The following SEC63 variants were observed in gnomAD, a reference collection of about 807,000 sequenced individuals.
SEC63 encodes the protein SEC63 protein translocation regulator.
In SEC63, 56 loss-of-function variants were observed where a neutral mutation model predicts 116.2. The ratio of observed to expected loss-of-function variants is 0.48; its 90% CI spans 0.39 to 0.60. The LOEUF (loss-of-function observed/expected upper bound fraction) is 0.60. Ranked by LOEUF, SEC63 falls within the 20% of genes least tolerant of loss-of-function variation. The pLI, the probability that SEC63 is intolerant of heterozygous loss-of-function variation, is 0.00. For missense variants in SEC63, 668 were observed against 900.0 expected (o/e 0.74, Z 3.30); for synonymous variants, 273 against 294.6 (o/e 0.93, Z 0.75).
At position 107,935,118 on chromosome 6, in the gene SEC63, T is replaced by TG. The variant is rs1185552958; in HGVS notation, c.125-5605dup. 4.1e-3 allele frequency among the ~76,000 whole-genome samples: 391 copies of TG among 94,484 alleles called. 2 individuals carry two copies. Among genetic ancestry groups the TG allele is most frequent in the African/African-American group, 0.015 (348 of 23,926 alleles). 62.0% of individuals were successfully genotyped at this position (94,484 alleles called of 152,430 possible). ...CCAGCTGCCCCGTCCGGGAGGGAGG[T>TG]GGGGGGGTCAGCCCCCCGCCCAGCC... On this transcript the variant is annotated intron_variant, in intron 1 of 20. Transcript: ENST00000369002.
intron 11 of SEC63, 120 bp downstream of exon 11, chr6:107,904,509 A>C: frequency 1.3e-6 from 1 of 752,076 alleles, no homozygotes. Flanking sequence ...AGTAAAATTG[A>C]AGAAGCTCAC....
intron 16 of SEC63, among the ~76,000 whole-genome samples, chr6:107,884,041 G>C (rs897617358): frequency 6.6e-6 from 1 of 152,010 alleles, no homozygotes; most frequent in Non-Finnish European, 1.5e-5. Flanking sequence ...TTTAAGGTCA[G>C]GAGTTTGAGA....
At chr6:107,907,489 G>A (rs1407257481) in intron 8 of SEC63, among the ~76,000 whole-genome samples, 1 of 152,194 alleles carries the variant, frequency 6.6e-6, no homozygotes, top group Non-Finnish European at 1.5e-5. Context: ...GGCTGAGGCA[G>A]GAGAATTGCT....
intron 4 of SEC63, among the ~76,000 whole-genome samples, chr6:107,918,297 C>A (rs550894860): frequency 1.3e-5 from 2 of 152,088 alleles, no homozygotes; most frequent in Admixed American, 6.5e-5. Context: ...TGACAACGCA[C>A]GTGGTCACTC....
At chr6:107,948,674 C>A (rs1479619692) in intron 1 of SEC63, among the ~76,000 whole-genome samples, 1 of 152,130 alleles carries the variant, frequency 6.6e-6, no homozygotes, top group Non-Finnish European at 1.5e-5. Flanking sequence ...GCCTCAAGGT[C>A]TCTCTGACTT....
intron 10 of SEC63, 132 bp from the exon 11 acceptor site, chr6:107,904,853 G>T: frequency 1.3e-6 from 1 of 748,452 alleles, no homozygotes; most frequent in Non-Finnish European, 2.3e-6. Context: ...TTTACAGATT[G>T]AATGGAAGAG....
At chr6:107,882,492 C>T (rs1247968354) in intron 17 of SEC63, among the ~76,000 whole-genome samples, 2 of 152,104 alleles carry the variant, frequency 1.3e-5, no homozygotes, top group Admixed American at 1.3e-4. Context: ...CTTAATATAT[C>T]TTATATACAC....
In SEC63 at chr6:107,893,906, C is replaced by T. The variant is rs767036637; in HGVS notation, c.1441-9G>A. The T allele has an allele frequency of 5.0e-6, 8 of 1,613,538 alleles. No homozygotes were observed. Among genetic ancestry groups the T allele is most frequent in the East Asian group, 4.5e-5 (2 of 44,856 alleles). On this transcript the variant is annotated splice_polypyrimidine_tract_variant and intron_variant, in intron 14 of 20. Coordinates refer to ENST00000369002, the MANE Select transcript of SEC63 (RefSeq NM_007214.5). ...TCCTTTTCAAATACTTCCTGGGGGG[C>T]GGCAAGAAGAGAAATACAAAATCTG...
At chr6:107,956,544 T>C (rs976425407) in intron 1 of SEC63, among the ~76,000 whole-genome samples, 1 of 152,206 alleles carries the variant, frequency 6.6e-6, no homozygotes, top group African/African-American at 2.4e-5. Flanking sequence ...GATCCAAATT[T>C]CATAAACTAC....
At chr6:107,946,165 G>A (rs1174396450) in intron 1 of SEC63, among the ~76,000 whole-genome samples, 3 of 145,218 alleles carry the variant, frequency 2.1e-5, no homozygotes, top group East Asian at 2.1e-4. Flanking sequence ...TCGAACTCCC[G>A]ACCTCATGAT....
rs749125299 is a variant in SEC63 at position 107,876,670 on chromosome 6, C to CA, written c.1936-9dup. ...CCACCATTCTTGTTTTTCCTGGAAACAAAAAAAAAAAAAAAAAAAGAAGAG... is the reference window on the plus strand; with the variant it reads ...CCACCATTCTTGTTTTTCCTGGAAACAAAAAAAAAAAAAAAAAAAAGAAGAG... On this transcript the variant is annotated splice_polypyrimidine_tract_variant and intron_variant, in intron 18 of 20. Transcript: ENST00000369002. The CA allele has an allele frequency of 0.065, 47,019 of 726,044 alleles. 144 individuals carry two copies. The highest frequency in any genetic ancestry group is 0.084 in the Middle Eastern group (189 of 2,254). 45.0% of individuals were successfully genotyped at this position (726,044 alleles called of 1,614,324 possible). A position where few individuals can be genotyped will look rare whatever the true frequency, so the allele number is the denominator to read the frequency against.
At chr6:107,930,606 T>TCAAA (rs1166961428) in intron 1 of SEC63, among the ~76,000 whole-genome samples, 2 of 151,028 alleles carry the variant, frequency 1.3e-5, no homozygotes, top group Non-Finnish European at 1.5e-5. Context: ...AAACTCTGTC[T>TCAAA]CAAACAAACA....
chr6:107,876,721 G>C lies in SEC63; in HGVS notation c.1936-59C>G, dbSNP rs1237515577. 9.5e-6 allele frequency: 11 copies of C among 1,163,134 alleles called. No homozygotes were observed. In the East Asian group the frequency reaches 1.7e-4, roughly 18 times the overall value. The allele number at this position is 1,163,134 out of a possible 1,614,324, so 72.1% of individuals were successfully genotyped here. On this transcript the variant is annotated intron_variant, in intron 18 of 20. Transcript: ENST00000369002. ...GGGTATAAATAATCAGAAAGAACTA[G>C]AAAGAATATAATTTTGGCCTCTCTT...
chr6:107,880,516 G>A (rs1434309504), intron 18 of SEC63, among the ~76,000 whole-genome samples: 1 of 152,194 alleles, frequency 6.6e-6, no homozygotes, highest in Non-Finnish European at 1.5e-5. Context: ...AGTTGAGCAG[G>A]CTGCAATTAC....
At position 107,893,859 on chromosome 6, in the gene SEC63, C is replaced by T; in HGVS notation, c.1479G>A (p.Glu493=). The change falls in exon 15 of 21, where the codon GAG becomes GAA. Residue 493 remains glutamate, a synonymous_variant. Coordinates refer to ENST00000369002, the MANE Select transcript of SEC63 (RefSeq NM_007214.5). ...TTACCCCATCTTCTGCTGGCTGTTC[C>T]TCTGCAGCACAGATGGACTGCTCCT... The part of the protein sequence containing the change: ...FEKEQSICAA[E]EQPAEDGQGE... The T allele has an allele frequency of 6.2e-7, 1 of 1,614,162 alleles. No homozygotes were observed. Among genetic ancestry groups the T allele is most frequent in the Non-Finnish European group, 8.5e-7 (1 of 1,180,014 alleles).
intron 1 of SEC63, among the ~76,000 whole-genome samples, chr6:107,949,838 T>C (rs1336291055): frequency 1.3e-5 from 2 of 152,198 alleles, no homozygotes; most frequent in Admixed American, 6.5e-5. Context: ...GGTCTCATTA[T>C]GTTGCCCAGG....
chr6:107,901,048 A>T (rs1163355840), intron 13 of SEC63, among the ~76,000 whole-genome samples: 1 of 152,196 alleles, frequency 6.6e-6, no homozygotes, highest in Non-Finnish European at 1.5e-5. Flanking sequence ...TATACTTCAA[A>T]TATCTCATTC....
intron 4 of SEC63, among the ~76,000 whole-genome samples, chr6:107,916,600 G>A (rs148514937): frequency 7.5e-4 from 114 of 152,292 alleles, no homozygotes; most frequent in African/African-American, 2.7e-3. Context: ...TGTTAACCCT[G>A]CATCAAGCAA....
chr6:107,956,456 A>T (rs1770714423), intron 1 of SEC63, among the ~76,000 whole-genome samples: 1 of 151,968 alleles, frequency 6.6e-6, no homozygotes, highest in South Asian at 2.1e-4. Context: ...AACCTACCCA[A>T]TTTTTTTTCC....
Sources: allele counts gnomAD v4.1 joint callset (sites outside exome capture counted in the v4.1 genomes callset), GRCh38; gene constraint gnomAD v4.1.1; transcripts MANE v1.5; gene names NCBI Gene and HGNC (gene_info 2026-07-23, HGNC 2026-07-21).